The following DHX30 variants were observed in gnomAD, a reference collection of about 807,000 sequenced individuals.
DHX30 encodes ATP-dependent RNA helicase DHX30.
DHX30 carries 4 observed loss-of-function variants against 116.9 expected under a neutral mutation model. The ratio of observed to expected loss-of-function variants is 0.03; its 90% confidence interval spans 0.02 to 0.08. DHX30 has a LOEUF of 0.08. Ranked by LOEUF, DHX30 falls within the 10% of genes least tolerant of loss-of-function variation. DHX30 has a pLI of 1.00. For missense variants in DHX30, 871 were observed against 1,595.1 expected (o/e 0.55, Z 7.73); for synonymous variants, 697 against 651.7 (o/e 1.07, Z -1.06).
intron 4 of DHX30, among the ~76,000 whole-genome samples, chr3:47,822,909 C>G (rs2036362334): frequency 6.6e-6 from 1 of 151,736 alleles, no homozygotes; most frequent in Non-Finnish European, 1.5e-5. Flanking sequence ...CTGGCTAACA[C>G]AGTGAAACCC....
rs375023106 is a variant in DHX30, at chr3:47,832,872, C to G, written c.366+3738C>G. On this transcript the variant is annotated intron_variant, in intron 6 of 21. Transcript: ENST00000445061. Reference sequence around the variant, plus strand: ...CAGGCTGGTCTCAAACTCCTAAGCTCAAGCAGTCTGCCTGCCTTGGCCTCC... The same window carrying G: ...CAGGCTGGTCTCAAACTCCTAAGCTGAAGCAGTCTGCCTGCCTTGGCCTCC... Among the ~76,000 whole-genome samples, 9 of 151,506 alleles carry G rather than the reference C, an allele frequency of 5.9e-5. No homozygotes were observed. The East Asian group carries it at 1.6e-3, about 26-fold the overall frequency.
chr3:47,826,708 TC>T (rs11302512), intron 4 of DHX30, among the ~76,000 whole-genome samples: 14,708 of 152,222 alleles, frequency 0.097, 2,391 homozygotes, highest in African/African-American at 0.33. Flanking sequence ...CGCCTTGGCC[TC>T]CCAAAGTGCT....
rs150833370 is a variant in DHX30, at chr3:47,848,778, C to G, written c.2730C>G (p.Pro910=). 9.4e-5 allele frequency: 151 copies of G among 1,614,064 alleles called. No individual in the cohort carries two copies. The African/African-American group carries it at 1.7e-3, about 18-fold the overall frequency. ...LVVVSCLTRD[P]FSSSLQNRAE... ...TCGTTTCCTGCCTCACCCGGGACCCCTTCAGCAGCAGCCTACAGAACCGGG... is the reference window on the plus strand; with the variant it reads ...TCGTTTCCTGCCTCACCCGGGACCCGTTCAGCAGCAGCCTACAGAACCGGG... Residue 910 remains proline (P), a synonymous_variant, in exon 17 of 22, where the codon CCC becomes CCG. Transcript: ENST00000445061. The surrounding 1 kb of genome is among the most constrained non-coding windows in gnomAD (Gnocchi z 9.4).
At chr3:47,825,727 C>G (rs567567880) in intron 4 of DHX30, among the ~76,000 whole-genome samples, 1 of 152,080 alleles carries the variant, frequency 6.6e-6, no homozygotes, top group African/African-American at 2.4e-5. Flanking sequence ...GAGCGCCAGC[C>G]TCCACCAACC....
At chr3:47,834,915 A>G (rs2037035020) in intron 6 of DHX30, among the ~76,000 whole-genome samples, 1 of 152,206 alleles carries the variant, frequency 6.6e-6, no homozygotes. Context: ...TGATGATTTC[A>G]TTCCCTTTGG....
intron 9 of DHX30, among the ~76,000 whole-genome samples, chr3:47,843,756 T>G (rs1230660141): frequency 6.6e-6 from 1 of 152,152 alleles, no homozygotes; most frequent in Non-Finnish European, 1.5e-5. Flanking sequence ...TGGAGTATAG[T>G]GGCACGATCA....
chr3:47,820,422 T>A (rs1310866596), intron 4 of DHX30, among the ~76,000 whole-genome samples: 1 of 152,152 alleles, frequency 6.6e-6, no homozygotes, highest in East Asian at 1.9e-4. Flanking sequence ...CTCTTACCCG[T>A]CTCCTTGCCA....
intron 6 of DHX30, among the ~76,000 whole-genome samples, chr3:47,831,930 C>CTTTTTTTTTTTTTTTTTTTTTTTTTTT (rs147733795): frequency 7.8e-6 from 1 of 127,466 alleles, no homozygotes; most frequent in African/African-American, 2.9e-5. Flanking sequence ...TTTCCTTTTT[C>CTTTTTTTTTTTTTTTTTTTTTTTTTTT]TTTTTTTTTT....
Position 47,846,965 on chromosome 3 carries a change from C to G in DHX30, c.1893C>G (p.Gly631=), listed in dbSNP as rs2037635385. The change falls in exon 11 of 22, where the codon GGC becomes GGG. Residue 631 remains glycine, a synonymous_variant. Transcript: ENST00000445061. The part of the protein sequence containing the change: ...HYLEDILAKL[G]KHQYLHRHRH... ...TAGAGGACATCCTGGCCAAGTTGGG[C>G]AAGCACCAGTACCTGCACCGGCACC... 1.2e-6 allele frequency: 2 copies of G among 1,613,264 alleles called. No homozygotes were observed. Among genetic ancestry groups the G allele is most frequent in the African/African-American group, 2.7e-5 (2 of 74,946 alleles).
At chr3:47,825,352 C>T (rs1398039399) in intron 4 of DHX30, 7 of 530,798 alleles carry the variant, frequency 1.3e-5, no homozygotes, top group African/African-American at 6.1e-5. Flanking sequence ...GGGGTCCTCT[C>T]TTCCATAGTG....
chr3:47,814,246 G>A (rs1464496098), intron 3 of DHX30, among the ~76,000 whole-genome samples: 2 of 149,902 alleles, frequency 1.3e-5, no homozygotes, highest in Non-Finnish European at 3.0e-5. Flanking sequence ...CCAACATGGT[G>A]AAACCCCGTC....
At position 47,841,128 on chromosome 3, in the gene DHX30, C is replaced by T; in HGVS notation, c.618C>T (p.Asp206=). 6.2e-7 allele frequency: 1 copy of T among 1,614,212 alleles called. No homozygotes were observed. Among genetic ancestry groups the T allele is most frequent in the Non-Finnish European group, 8.5e-7 (1 of 1,180,040 alleles). ...ELEEGTIDVT[D]FLSMTQQDSH... ...AAGAAGGGACCATAGATGTTACCGA[C>T]TTCTTGTCCATGACCCAGCAGGATT... The change falls in exon 7 of 22, where the codon GAC becomes GAT. Residue 206 remains aspartate, a synonymous_variant. Transcript: ENST00000445061.
rs1283936458 is a variant in DHX30, at chr3:47,846,246, C to A, written c.1174C>A (p.Pro392Thr). Residue 392 changes from proline to threonine, a missense_variant, in exon 11 of 22, where the codon CCT becomes ACT. Physicochemically the swap from Pro to Thr is conservative, Grantham distance 38. This residue lies in a region of DHX30 where 175 missense variants were observed against 292.9 expected (regional missense o/e 0.60). Transcript: ENST00000445061. ...CTTGCCCTTGGGCAAGGACTCAGGG[C>A]CTCTGAGTGACCCTATCACAGGCAA... ...DILPLGKDSG[P>T]LSDPITGKPY... 1 of 1,614,208 alleles carries A rather than the reference C, an allele frequency of 6.2e-7. No homozygotes were observed. Among genetic ancestry groups the A allele is most frequent in the East Asian group, 2.2e-5 (1 of 44,890 alleles).
At chr3:47,826,957 G>C (rs543384109) in intron 4 of DHX30, among the ~76,000 whole-genome samples, 1 of 152,270 alleles carries the variant, frequency 6.6e-6, no homozygotes, top group African/African-American at 2.4e-5. Context: ...TGTGTGTGTG[G>C]TGGATTTTTG....
chr3:47,835,200 G>A (rs1015892125), intron 6 of DHX30, among the ~76,000 whole-genome samples: 1 of 147,186 alleles, frequency 6.8e-6, no homozygotes, highest in Non-Finnish European at 1.5e-5. Context: ...TGACATGGAG[G>A]TTCGCTCTTA....
intron 6 of DHX30, among the ~76,000 whole-genome samples, 181 bp downstream of exon 6, chr3:47,829,315 T>TATATATA (rs869292091): frequency 0.024 from 794 of 32,624 alleles, 3 homozygotes; most frequent in Middle Eastern, 0.036. Flanking sequence ...TATATATATA[T>TATATATA]TTTTTTTTTT....
At chr3:47,819,405 C>T in intron 4 of DHX30, 1 of 773,028 alleles carries the variant, frequency 1.3e-6, no homozygotes, top group African/African-American at 1.8e-5. Flanking sequence ...CAGTTGCTGC[C>T]TCTGGGGCAG....
At chr3:47,845,992 C>T in intron 10 of DHX30, 140 bp downstream of exon 10, 2 of 1,443,226 alleles carry the variant, frequency 1.4e-6, no homozygotes, top group Non-Finnish European at 9.3e-7. Flanking sequence ...TCCCCCTGGC[C>T]TGAACAGCCC....
intron 1 of DHX30, 92 bp from the exon 2 acceptor site, chr3:47,805,234 T>A: frequency 7.5e-6 from 3 of 397,400 alleles, no homozygotes; most frequent in Non-Finnish European, 1.3e-5. Context: ...ACTAACAAAA[T>A]TTGTCCTTGT....
Sources: allele counts gnomAD v4.1 joint callset (sites outside exome capture counted in the v4.1 genomes callset), GRCh38; gene constraint gnomAD v4.1.1; regional missense constraint gnomAD v4.1.1; non-coding constraint Gnocchi (gnomAD v3.1); transcripts MANE v1.5; gene names NCBI Gene and HGNC (gene_info 2026-07-23, HGNC 2026-07-21).